The following MYRIP variants were observed in gnomAD, a reference collection of about 807,000 sequenced individuals.
MYRIP encodes myosin VIIA and Rab interacting protein.
A neutral mutation model predicts 98.0 loss-of-function variants in MYRIP; 49 were observed. The observed-to-expected ratio is 0.50, with a 90% confidence interval of 0.40 to 0.63. MYRIP has a LOEUF of 0.63. MYRIP is among the 30% of genes least tolerant of loss of function. The pLI is 0.00. For synonymous variants in MYRIP, 404 were observed against 409.5 expected (o/e 0.99, Z 0.16); for missense variants, 1,004 against 1,058.2 (o/e 0.95, Z 0.71).
chr3:40,167,306 A>G, intron 7 of MYRIP, 67 bp downstream of exon 7: 1 of 1,416,162 alleles, frequency 7.1e-7, no homozygotes, highest in Non-Finnish European at 9.9e-7. Context: ...GACTCTGGCA[A>G]GTAGCAGGTG....
intron 2 of MYRIP, among the ~76,000 whole-genome samples, chr3:39,950,769 G>T (rs943057498): frequency 3.3e-5 from 5 of 152,112 alleles, no homozygotes; most frequent in Non-Finnish European, 7.4e-5. Context: ...AGAGCTGGTG[G>T]CCACATTTAA....
chr3:40,252,036 A>G, intron 16 of MYRIP, 37 bp downstream of exon 16: 1 of 1,470,426 alleles, frequency 6.8e-7, no homozygotes, highest in Non-Finnish European at 9.5e-7. Flanking sequence ...CAACGCTTTC[A>G]CTGTTGATGG....
At chr3:39,995,150 C>T (rs112098703) in intron 2 of MYRIP, among the ~76,000 whole-genome samples, 2,871 of 152,258 alleles carry the variant, frequency 0.019, 90 homozygotes, top group African/African-American at 0.065. Flanking sequence ...TCCAAAGGAA[C>T]GGAGCTCCTC....
intron 3 of MYRIP, among the ~76,000 whole-genome samples, chr3:40,103,633 C>T (rs1948994779): frequency 6.6e-6 from 1 of 152,100 alleles, no homozygotes. Flanking sequence ...GTGGCATGCA[C>T]CTGTAATCCC....
intron 2 of MYRIP, among the ~76,000 whole-genome samples, chr3:39,936,762 C>G (rs1944664940): frequency 6.6e-6 from 1 of 152,120 alleles, no homozygotes; most frequent in African/African-American, 2.4e-5. Context: ...TCCCAGGGCT[C>G]TAATTACTCT....
chr3:40,004,604 T>C (rs1436096071), intron 2 of MYRIP, among the ~76,000 whole-genome samples: 1 of 152,180 alleles, frequency 6.6e-6, no homozygotes, highest in African/African-American at 2.4e-5. Flanking sequence ...CTGTACCCCA[T>C]GTGTAGTCTT....
intron 2 of MYRIP, among the ~76,000 whole-genome samples, chr3:39,966,591 T>C (rs571273116): frequency 6.6e-6 from 1 of 152,212 alleles, no homozygotes; most frequent in South Asian, 2.1e-4. Context: ...CCTGAAATGA[T>C]AGTGTAGTAC....
At chr3:39,811,084 A>C (rs1940670647) in intron 1 of MYRIP, among the ~76,000 whole-genome samples, 1 of 152,102 alleles carries the variant, frequency 6.6e-6, no homozygotes, top group African/African-American at 2.4e-5. Flanking sequence ...AGGTGGCTCC[A>C]GTGGGGCCGC....
intron 2 of MYRIP, among the ~76,000 whole-genome samples, chr3:39,956,716 T>TA (rs1403385158): frequency 2.7e-5 from 4 of 149,406 alleles, no homozygotes; most frequent in Admixed American, 6.6e-5. Flanking sequence ...CAAAAAACCC[T>TA]TCAAAAAATC....
At chr3:40,074,892 C>G (rs1344572616) in intron 3 of MYRIP, among the ~76,000 whole-genome samples, 1 of 152,102 alleles carries the variant, frequency 6.6e-6, no homozygotes, top group African/African-American at 2.4e-5. Context: ...ATCAGGAAAA[C>G]TGCAAATTAA....
At chr3:39,971,702 C>A (rs1239686888) in intron 2 of MYRIP, among the ~76,000 whole-genome samples, 4 of 152,016 alleles carry the variant, frequency 2.6e-5, no homozygotes, top group African/African-American at 9.7e-5. Flanking sequence ...ATTATTCAGC[C>A]TTGGTCACAT....
chr3:40,121,086 C>T (rs1396159542), intron 3 of MYRIP, among the ~76,000 whole-genome samples: 1 of 152,058 alleles, frequency 6.6e-6, no homozygotes, highest in Non-Finnish European at 1.5e-5. Flanking sequence ...TGCCAGTGGC[C>T]TCAAGTCTAG....
intron 10 of MYRIP, among the ~76,000 whole-genome samples, chr3:40,193,029 T>C (rs1224798060): frequency 2.0e-5 from 3 of 152,210 alleles, no homozygotes; most frequent in Non-Finnish European, 4.4e-5. Flanking sequence ...TTGTTTTTCC[T>C]GGACTGAGCT....
chr3:40,152,035 G>T (rs557248159), intron 4 of MYRIP, among the ~76,000 whole-genome samples: 4 of 152,182 alleles, frequency 2.6e-5, no homozygotes, highest in South Asian at 4.1e-4. Flanking sequence ...TAGAATGGAG[G>T]CACTAAACAT....
chr3:40,230,703 C>T (rs1952626642), intron 11 of MYRIP, among the ~76,000 whole-genome samples: 1 of 152,202 alleles, frequency 6.6e-6, no homozygotes, highest in Non-Finnish European at 1.5e-5. Context: ...TGATTCCCTA[C>T]AGGTGGGAAA....
chr3:39,845,825 G>T (rs906245338), intron 1 of MYRIP, among the ~76,000 whole-genome samples: 1 of 141,554 alleles, frequency 7.1e-6, no homozygotes, highest in East Asian at 2.0e-4. Flanking sequence ...TGCAGCACTA[G>T]GTCCATTACA....
At chr3:39,948,264 C>A (rs1300394978) in intron 2 of MYRIP, among the ~76,000 whole-genome samples, 1 of 152,070 alleles carries the variant, frequency 6.6e-6, no homozygotes, top group Non-Finnish European at 1.5e-5. Flanking sequence ...TACCCTCATC[C>A]TGGGACTCAA....
At chr3:39,889,698 A>AT (rs1275772034) in intron 1 of MYRIP, among the ~76,000 whole-genome samples, 7 of 151,908 alleles carry the variant, frequency 4.6e-5, no homozygotes, top group African/African-American at 1.2e-4. Flanking sequence ...AAAAAAGACA[A>AT]TTTTTTCCTC....
chr3:39,809,353 C>A (rs1258513449), upstream of MYRIP, among the ~76,000 whole-genome samples: 1 of 150,492 alleles, frequency 6.6e-6, no homozygotes, highest in Non-Finnish European at 1.5e-5. Flanking sequence ...GGTCCCCGCC[C>A]CGGGCGCGCG....
Sources: allele counts gnomAD v4.1 joint callset (sites outside exome capture counted in the v4.1 genomes callset), GRCh38; gene constraint gnomAD v4.1.1; transcripts MANE v1.5; gene names NCBI Gene and HGNC (gene_info 2026-07-23, HGNC 2026-07-21).